The following LDB2 variants were observed in gnomAD, a reference collection of about 807,000 sequenced individuals.
LDB2 encodes the protein LIM domain-binding protein 2.
A neutral mutation model predicts 44.3 loss-of-function variants in LDB2; 12 were observed. The observed-to-expected ratio is 0.27, with a 90% confidence interval of 0.17 to 0.44. The LOEUF (loss-of-function observed/expected upper bound fraction) is 0.44. Among genes scored for constraint, LDB2 ranks in the 20% least tolerant of loss-of-function variants. The pLI is 1.00. For missense variants in LDB2, 344 were observed against 473.5 expected (o/e 0.73, Z 2.54); for synonymous variants, 164 against 174.8 (o/e 0.94, Z 0.49).
intron 5 of LDB2, among the ~76,000 whole-genome samples, chr4:16,556,793 G>A (rs1398247163): frequency 6.6e-6 from 1 of 152,190 alleles, no homozygotes; most frequent in Non-Finnish European, 1.5e-5. Context: ...TTACCAGTTT[G>A]TAGTTGTACA....
chr4:16,879,052 G>C (rs1417464828), intron 1 of LDB2, among the ~76,000 whole-genome samples: 1 of 152,132 alleles, frequency 6.6e-6, no homozygotes, highest in African/African-American at 2.4e-5. Context: ...TTACTTGATT[G>C]TAAATTTCCT....
At chr4:16,511,126 A>C (rs1401783114) in intron 6 of LDB2, among the ~76,000 whole-genome samples, 1 of 152,184 alleles carries the variant, frequency 6.6e-6, no homozygotes. Context: ...TTCATTTTAC[A>C]TAAAACCCCT....
rs539193176 is a variant in LDB2, at chr4:16,508,655, C to A, written c.771G>T (p.Arg257=). ...AEPTRQPTTK[R]RKRKNSTSST... is the part of the protein sequence containing the mutation. ...TGCTGGTGGAATTTTTCCTTTTTCT[C>A]CGTTTGGTTGTTGGTTGCCTTGTGG... Residue 257 remains arginine, a synonymous_variant, in exon 7 of 8, where the codon CGG becomes CGT. Transcript: ENST00000304523. The A allele has an allele frequency of 7.9e-5, 127 of 1,613,724 alleles. No individual in the cohort carries two copies. The South Asian group carries it at 1.3e-3, about 17-fold the overall frequency.
intron 2 of LDB2, among the ~76,000 whole-genome samples, chr4:16,651,681 C>A (rs1359245797): frequency 6.6e-6 from 1 of 152,010 alleles, no homozygotes; most frequent in African/African-American, 2.4e-5. Flanking sequence ...AGTCTTTCCT[C>A]GGCTAGACTT....
At chr4:16,700,969 A>G (rs112677519) in intron 2 of LDB2, among the ~76,000 whole-genome samples, 16 of 152,304 alleles carry the variant, frequency 1.1e-4, no homozygotes, top group African/African-American at 3.8e-4. Flanking sequence ...TTTTACATAT[A>G]TGAACTCATT....
At chr4:16,583,603 C>T (rs1312414546) in intron 5 of LDB2, among the ~76,000 whole-genome samples, 1 of 152,164 alleles carries the variant, frequency 6.6e-6, no homozygotes, top group East Asian at 1.9e-4. Context: ...ATCTTAAATC[C>T]CAGTTCTAAA....
intron 2 of LDB2, among the ~76,000 whole-genome samples, chr4:16,666,317 G>A (rs1197760153): frequency 6.6e-6 from 1 of 152,138 alleles, no homozygotes; most frequent in African/African-American, 2.4e-5. Context: ...CAAGCTAGCT[G>A]TTGTCCCAGA....
At chr4:16,854,227 T>G (rs566414866) in intron 1 of LDB2, among the ~76,000 whole-genome samples, 1 of 152,220 alleles carries the variant, frequency 6.6e-6, no homozygotes, top group African/African-American at 2.4e-5. Context: ...GCCTTTATAC[T>G]ATCTATATGT....
chr4:16,564,188 C>T (rs1743618407), intron 5 of LDB2, among the ~76,000 whole-genome samples: 1 of 151,878 alleles, frequency 6.6e-6, no homozygotes, highest in Non-Finnish European at 1.5e-5. Context: ...CCCTGAAATC[C>T]AACACATAAA....
chr4:16,862,633 C>CAA lies in LDB2; in HGVS notation c.132+35719_132+35720dup, dbSNP rs58157857. 3.2e-3 allele frequency among the ~76,000 whole-genome samples: 144 copies of CAA among 45,084 alleles called. 7 individuals are homozygous for CAA. Among genetic ancestry groups the CAA allele is most frequent in the Admixed American group, 4.9e-3 (13 of 2,646 alleles). 29.6% of individuals were successfully genotyped at this position (45,084 alleles called of 152,430 possible). On this transcript the variant is annotated intron_variant, in intron 1 of 7. Transcript: ENST00000304523. ...GGGCAACAAGAGTGAAATTCCATCTCAAAAAAAAAAAAAAAAAAAAAAAAA... is the reference window on the plus strand; with the variant it reads ...GGGCAACAAGAGTGAAATTCCATCTCAAAAAAAAAAAAAAAAAAAAAAAAAAA...
intron 1 of LDB2, among the ~76,000 whole-genome samples, chr4:16,851,168 A>G (rs1164007509): frequency 6.6e-6 from 1 of 152,032 alleles, no homozygotes; most frequent in Non-Finnish European, 1.5e-5. Flanking sequence ...TCTATGGTGT[A>G]AATACTCCAC....
At chr4:16,852,122 A>G (rs1159747329) in intron 1 of LDB2, among the ~76,000 whole-genome samples, 3 of 152,162 alleles carry the variant, frequency 2.0e-5, no homozygotes, top group Admixed American at 6.5e-5. Flanking sequence ...GGAGACAATA[A>G]TAACCACATC....
chr4:16,642,000 A>T (rs1331268914), intron 2 of LDB2, among the ~76,000 whole-genome samples: 1 of 152,234 alleles, frequency 6.6e-6, no homozygotes, highest in Non-Finnish European at 1.5e-5. Flanking sequence ...AGTATCCATA[A>T]GTATGTAGAA....
At chr4:16,753,484 G>A (rs1335019467) in intron 2 of LDB2, among the ~76,000 whole-genome samples, 6 of 152,170 alleles carry the variant, frequency 3.9e-5, no homozygotes, top group Admixed American at 6.5e-5. Flanking sequence ...GGTAAGGAAC[G>A]ACAATGTAAA....
chr4:16,871,974 A>G (rs1269819599), intron 1 of LDB2, among the ~76,000 whole-genome samples: 1 of 152,198 alleles, frequency 6.6e-6, no homozygotes, highest in Non-Finnish European at 1.5e-5. Flanking sequence ...GGCTATGACT[A>G]TAAGAGTTCA....
At chr4:16,878,894 A>G (rs1214181798) in intron 1 of LDB2, among the ~76,000 whole-genome samples, 1 of 152,254 alleles carries the variant, frequency 6.6e-6, no homozygotes, top group Non-Finnish European at 1.5e-5. Flanking sequence ...CCACCAATAT[A>G]GGTCAGCTTT....
At chr4:16,591,508 C>T (rs2152433420) in intron 3 of LDB2, among the ~76,000 whole-genome samples, 1 of 152,224 alleles carries the variant, frequency 6.6e-6, no homozygotes, top group Middle Eastern at 3.4e-3. Context: ...GTTGACTACG[C>T]TGGATGTTTT....
intron 2 of LDB2, among the ~76,000 whole-genome samples, chr4:16,632,012 G>A (rs1470873117): frequency 6.6e-6 from 1 of 152,208 alleles, no homozygotes; most frequent in Non-Finnish European, 1.5e-5. Flanking sequence ...GAGGTACAAA[G>A]AGGAGCTGGT....
chr4:16,891,607 G>A (rs1043983689), intron 1 of LDB2, among the ~76,000 whole-genome samples: 2 of 151,954 alleles, frequency 1.3e-5, no homozygotes, highest in African/African-American at 2.4e-5. Flanking sequence ...CACCGTGCCC[G>A]AACTTAAGTA....
Sources: allele counts gnomAD v4.1 joint callset (sites outside exome capture counted in the v4.1 genomes callset), GRCh38; gene constraint gnomAD v4.1.1; transcripts MANE v1.5; gene names NCBI Gene and HGNC (gene_info 2026-07-23, HGNC 2026-07-21).